The following UBAC1 variants were observed in gnomAD, a reference collection of about 807,000 sequenced individuals.
The protein encoded by UBAC1 is ubiquitin-associated domain-containing protein 1.
UBAC1 carries 27 observed loss-of-function variants against 45.9 expected under a neutral mutation model. That is an observed-to-expected ratio of 0.59 (90% CI 0.43 to 0.81). The LOEUF (loss-of-function observed/expected upper bound fraction) is 0.81, where lower values mean the gene tolerates loss of function less well. UBAC1 is among the 30% of genes least tolerant of loss of function. The probability of loss-of-function intolerance (pLI) is 0.00; values close to 1 mark genes in which losing one functional copy is unlikely to be tolerated. For missense variants in UBAC1, 529 were observed against 539.2 expected (o/e 0.98, Z 0.19); for synonymous variants, 227 against 215.5 (o/e 1.05, Z -0.47).
chr9:135,948,399 G>C (rs552729815), intron 3 of UBAC1, among the ~76,000 whole-genome samples: 1 of 152,364 alleles, frequency 6.6e-6, no homozygotes, highest in African/African-American at 2.4e-5. Flanking sequence ...GACGAGGATG[G>C]AGGGATCAGC....
intron 1 of UBAC1, among the ~76,000 whole-genome samples, chr9:135,960,754 C>T (rs1043832218): frequency 6.6e-6 from 1 of 152,208 alleles, no homozygotes; most frequent in Admixed American, 6.5e-5. Flanking sequence ...AGGGCTCGGC[C>T]GGGCGGCTGG....
At position 135,961,345 on chromosome 9, in the gene UBAC1, G is replaced by T; in HGVS notation, c.-183C>A. The stretch of plus-strand genomic sequence containing the variant: ...CGGCCTCAGCGGTCGCCTCGCTCCC[G>T]CCGCCGCAGCAGCCGCCGGGGGCGC... On this transcript the variant is annotated 5_prime_UTR_variant, in exon 1 of 10. Transcript: ENST00000371756. The T allele has an allele frequency of 3.7e-6, 1 of 267,042 alleles. No individual in the cohort carries two copies. Among genetic ancestry groups the T allele is most frequent in the Non-Finnish European group, 5.7e-6 (1 of 174,890 alleles). 16.5% of individuals were successfully genotyped at this position (267,042 alleles called of 1,614,324 possible).
Position 135,939,397 on chromosome 9 carries a change from G to A in UBAC1, c.963+276C>T, listed in dbSNP as rs116914235. Reference sequence around the variant, plus strand: ...TAGGCAAACACACGGCCTCCACCACGCCCGGGGCGCTCACGAGTGAGGCTC... The same window carrying A: ...TAGGCAAACACACGGCCTCCACCACACCCGGGGCGCTCACGAGTGAGGCTC... On this transcript the variant is annotated intron_variant, in intron 8 of 9. Coordinates refer to ENST00000371756, the MANE Select transcript of UBAC1 (RefSeq NM_016172.3). 1.5e-4 allele frequency among the ~76,000 whole-genome samples: 23 copies of A among 152,150 alleles called. No homozygotes were observed. The East Asian group carries it at 2.5e-3, about 17-fold the overall frequency.
rs776959045 is a variant in UBAC1, at chr9:135,961,129, T to G, written c.34A>C (p.Lys12Gln). The change falls in exon 1 of 10, where the codon AAG (lysine) becomes CAG (glutamine). Residue 12 changes from lysine to glutamine, a missense_variant. Physicochemically the swap from Lys to Gln is moderately conservative, Grantham distance 53. Coordinates refer to ENST00000371756, the MANE Select transcript of UBAC1 (RefSeq NM_016172.3). ...GCGCAGATGTGCAGCCGCAGCACCT[T>G]GCCCGCGAAGATCTTCTCCTCCTGC... ...FVQEEKIFAG[K>Q]VLRLHICASD... is the part of the protein sequence containing the mutation. The G allele has an allele frequency of 1.4e-5, 22 of 1,586,314 alleles. No homozygotes were observed. The highest frequency in any genetic ancestry group is 1.7e-5 in the Non-Finnish European group (20 of 1,171,746).
intron 3 of UBAC1, among the ~76,000 whole-genome samples, chr9:135,948,448 G>A (rs1289263256): frequency 1.3e-5 from 2 of 152,270 alleles, no homozygotes; most frequent in Non-Finnish European, 2.9e-5. Context: ...GAGCATGGAC[G>A]CAAGACCATT....
chr9:135,955,402 C>A lies in UBAC1; in HGVS notation c.152G>T (p.Ser51Ile). The change falls in exon 2 of 10, where the codon AGC becomes ATC. Residue 51 changes from serine to isoleucine, a missense_variant. Ser to Ile is a moderately radical substitution (Grantham distance 142). Coordinates refer to ENST00000371756, the MANE Select transcript of UBAC1 (RefSeq NM_016172.3). The part of the protein sequence containing the change: ...ERCLKHCAHG[S>I]LEDPKSITHH... The stretch of plus-strand genomic sequence containing the variant: ...GGTTATACTTTTGGGATCTTCTAAG[C>A]TCCCATGAGCACACTGGGGAAAAAT... The A allele has an allele frequency of 6.4e-7, 1 of 1,567,876 alleles. No individual in the cohort carries two copies. Among genetic ancestry groups the A allele is most frequent in the Non-Finnish European group, 8.6e-7 (1 of 1,164,524 alleles).
intron 3 of UBAC1, among the ~76,000 whole-genome samples, chr9:135,952,628 T>C (rs1291064015): frequency 6.6e-6 from 1 of 152,194 alleles, no homozygotes; most frequent in Non-Finnish European, 1.5e-5. Context: ...ACCAACGACA[T>C]CCAGTTCTGT....
chr9:135,946,179 T>TC (rs1271740814), intron 5 of UBAC1, 90 bp downstream of exon 5: 1 of 1,100,454 alleles, frequency 9.1e-7, no homozygotes, highest in East Asian at 2.4e-5. Flanking sequence ...GCACTGAGGT[T>TC]CCGGTCAGTG....
chr9:135,950,100 A>C (rs575200526), intron 3 of UBAC1, among the ~76,000 whole-genome samples: 2 of 152,278 alleles, frequency 1.3e-5, no homozygotes, highest in African/African-American at 4.8e-5. Context: ...CAGCCTCAGA[A>C]AGGAAGGCAG....
intron 9 of UBAC1, among the ~76,000 whole-genome samples, chr9:135,936,642 T>C (rs569366743): frequency 6.6e-6 from 1 of 152,146 alleles, no homozygotes; most frequent in Admixed American, 6.5e-5. Flanking sequence ...TACAGGTGCA[T>C]ACCACCATGC....
At chr9:135,960,787 C>A (rs915437477) in intron 1 of UBAC1, among the ~76,000 whole-genome samples, 2 of 152,258 alleles carry the variant, frequency 1.3e-5, no homozygotes, top group African/African-American at 4.8e-5. Context: ...GCTTAGTGAC[C>A]GGAGTCCGCC....
intron 3 of UBAC1, 110 bp downstream of exon 3, chr9:135,953,564 CGCCTCG>C (rs1391986288): frequency 1.3e-6 from 1 of 746,552 alleles, no homozygotes; most frequent in African/African-American, 1.8e-5. Flanking sequence ...GTGATCCACC[CGCCTCG>C]GCCTCCCAAA....
chr9:135,939,563 A>C, intron 8 of UBAC1, 110 bp downstream of exon 8: 1 of 1,056,810 alleles, frequency 9.5e-7, no homozygotes, highest in Non-Finnish European at 1.4e-6. Context: ...CACTCACCAC[A>C]GCCCACACTC....
chr9:135,958,405 C>G (rs189533374), intron 1 of UBAC1, among the ~76,000 whole-genome samples: 1 of 152,186 alleles, frequency 6.6e-6, no homozygotes, highest in Middle Eastern at 3.2e-3. Context: ...TCCTCTGCCC[C>G]CTTCTCCACT....
intron 4 of UBAC1, 171 bp downstream of exon 4, chr9:135,947,627 T>G (rs1043545269): frequency 1.2e-5 from 6 of 486,702 alleles, no homozygotes; most frequent in African/African-American, 1.2e-4. Flanking sequence ...GAAATAATTT[T>G]TGATTTACAG....
chr9:135,938,128 A>G, intron 9 of UBAC1, 94 bp downstream of exon 9: 1 of 1,531,892 alleles, frequency 6.5e-7, no homozygotes, highest in Non-Finnish European at 8.8e-7. Flanking sequence ...TCAGCGCTGG[A>G]TCCTCCGTAT....
At chr9:135,949,982 A>G (rs1839388073) in intron 3 of UBAC1, among the ~76,000 whole-genome samples, 1 of 152,224 alleles carries the variant, frequency 6.6e-6, no homozygotes, top group Non-Finnish European at 1.5e-5. Context: ...GTAGGAATGC[A>G]GGCCGCGCCC....
chr9:135,947,738 C>CA (rs1839354324), intron 4 of UBAC1, 60 bp downstream of exon 4: 2 of 1,436,444 alleles, frequency 1.4e-6, no homozygotes, highest in Admixed American at 2.0e-5. Context: ...GGAACCCCCC[C>CA]ACAGCAATCC....
intron 9 of UBAC1, among the ~76,000 whole-genome samples, chr9:135,936,499 CTTTTTT>C (rs202151720): frequency 1.4e-5 from 2 of 141,776 alleles, no homozygotes; most frequent in African/African-American, 5.2e-5. Flanking sequence ...TTTCCTTTTT[CTTTTTT>C]TTTTTTTTGA....
Sources: gnomAD v4.1 joint callset for allele counts (sites outside exome capture counted in the v4.1 genomes callset) on GRCh38, gnomAD v4.1.1 for gene constraint, MANE v1.5 for transcripts, NCBI Gene and HGNC (gene_info 2026-07-23, HGNC 2026-07-21) for gene names.